Variants in POLQ observed in about 807,000 individuals in gnomAD.
POLQ encodes DNA polymerase theta.
Under a neutral mutation model 259.2 loss-of-function variants are expected in POLQ, and 233 were observed. The observed-to-expected ratio is 0.90, with a 90% CI of 0.81 to 1.00. The LOEUF is 1.00. Among genes scored for constraint, POLQ ranks in the 50% least tolerant of loss-of-function variants. The pLI, the probability that POLQ is intolerant of heterozygous loss-of-function variation, is 0.00. For missense variants in POLQ, 2,871 were observed against 3,051.6 expected, an observed-to-expected ratio of 0.94 and a Z score of 1.39; for synonymous variants, 1,025 against 1,048.8, an observed-to-expected ratio of 0.98 and a Z score of 0.44.
intron 26 of POLQ, among the ~76,000 whole-genome samples, chr3:121,447,453 G>A (rs140900134): frequency 8.3e-4 from 126 of 152,094 alleles, no homozygotes; most frequent in African/African-American, 2.8e-3. Flanking sequence ...GTGACCCACC[G>A]CGCCTGGCCC....
chr3:121,520,061 A>G lies in POLQ; in HGVS notation c.1278T>C (p.Asp426=). ...HHAGLTFEER[D]IIEGAFRQGL... ...CTTGACGAAAGGCTCCTTCAATGAT[A>G]TCCCTCTCCTCAAAAGTAAGACCTA... Residue 426 remains aspartate (D), a synonymous_variant, in exon 9 of 30, where the codon GAT becomes GAC. Coordinates refer to ENST00000264233, the MANE Select transcript of POLQ (RefSeq NM_199420.4). 1 of 1,611,516 alleles carries G rather than the reference A, an allele frequency of 6.2e-7. No homozygotes were observed. Among genetic ancestry groups the G allele is most frequent in the Non-Finnish European group, 8.5e-7 (1 of 1,177,770 alleles).
At chr3:121,474,220 C>A (rs2047907524) in intron 20 of POLQ, among the ~76,000 whole-genome samples, 2 of 152,124 alleles carry the variant, frequency 1.3e-5, no homozygotes, top group Admixed American at 1.3e-4. Flanking sequence ...TCAGAAAACA[C>A]TAAAGTAGGA....
At chr3:121,459,562 T>C (rs1300899625) in intron 25 of POLQ, among the ~76,000 whole-genome samples, 1 of 152,028 alleles carries the variant, frequency 6.6e-6, no homozygotes, top group Non-Finnish European at 1.5e-5. Flanking sequence ...TTTGTATTTT[T>C]AGTAGAGACG....
intron 25 of POLQ, among the ~76,000 whole-genome samples, chr3:121,453,333 C>T (rs1576401857): frequency 3.3e-5 from 5 of 151,672 alleles, no homozygotes; most frequent in Admixed American, 1.3e-4. Context: ...AGCAGAGCGC[C>T]TCTCCTCCTC....
At chr3:121,445,517 C>T (rs554210588) in intron 26 of POLQ, among the ~76,000 whole-genome samples, 1 of 152,134 alleles carries the variant, frequency 6.6e-6, no homozygotes, top group East Asian at 1.9e-4. Context: ...GGATCTTCTC[C>T]TTTTTTCTTA....
At chr3:121,534,376 C>T (rs2048435716) in intron 5 of POLQ, among the ~76,000 whole-genome samples, 1 of 151,704 alleles carries the variant, frequency 6.6e-6, no homozygotes, top group South Asian at 2.1e-4. Flanking sequence ...GTCACCCAGG[C>T]TGGAGTGCAA....
At chr3:121,524,339 A>G (rs2048358068) in intron 7 of POLQ, among the ~76,000 whole-genome samples, 1 of 152,196 alleles carries the variant, frequency 6.6e-6, no homozygotes, top group Non-Finnish European at 1.5e-5. Context: ...TCCATCACTT[A>G]TCCTCATGAT....
rs900629385 is a variant in POLQ, at chr3:121,545,767, G to C, written c.111C>G (p.Ser37=). 4.4e-6 allele frequency: 7 copies of C among 1,605,458 alleles called. No individual in the cohort carries two copies. The highest frequency in any genetic ancestry group is 1.7e-4 in the Middle Eastern group (1 of 6,054). Residue 37 remains serine (S), a synonymous_variant, in exon 1 of 30, where the codon TCC becomes TCG. Coordinates refer to ENST00000264233, the MANE Select transcript of POLQ (RefSeq NM_199420.4). ...SSASPQFLSG[S]VLSPPPGLGR... Reference sequence around the variant, plus strand: ...CAAGGCCGGGCGGCGGGCTCAGCACGGACCCGGAGAGGAACTGGGGGCTGG... The same window carrying C: ...CAAGGCCGGGCGGCGGGCTCAGCACCGACCCGGAGAGGAACTGGGGGCTGG...
rs2108790134 is a variant in POLQ, at chr3:121,472,267, G to A, written c.6544-103C>T. The stretch of plus-strand genomic sequence containing the variant: ...TACAGTCTCAAAATTAAATTTGAGA[G>A]TAATATCGACAACTCAAAACTATTA... On this transcript the variant is annotated intron_variant, in intron 21 of 29. Coordinates refer to ENST00000264233, the MANE Select transcript of POLQ (RefSeq NM_199420.4). The A allele has an allele frequency of 7.6e-6, 4 of 529,014 alleles. No homozygotes were observed. The South Asian group carries it at 1.8e-4, about 23-fold the overall frequency. The allele number at this position is 529,014 out of a possible 1,614,324, so 32.8% of individuals were successfully genotyped here.
intron 19 of POLQ, among the ~76,000 whole-genome samples, chr3:121,477,988 G>T (rs1560094221): frequency 6.6e-6 from 1 of 152,152 alleles, no homozygotes; most frequent in Non-Finnish European, 1.5e-5. Context: ...GAGAAATAAT[G>T]AACTTGGGTC....
At chr3:121,477,848 T>TA (rs1016408007) in intron 19 of POLQ, among the ~76,000 whole-genome samples, 3 of 152,122 alleles carry the variant, frequency 2.0e-5, no homozygotes, top group Non-Finnish European at 4.4e-5. Flanking sequence ...GGGACACCCG[T>TA]AACCACCACG....
intron 28 of POLQ, among the ~76,000 whole-genome samples, chr3:121,433,421 T>G (rs1342405379): frequency 6.6e-6 from 1 of 152,200 alleles, no homozygotes; most frequent in African/African-American, 2.4e-5. Flanking sequence ...ACTAATATTG[T>G]TAGGCACTGT....
intron 25 of POLQ, among the ~76,000 whole-genome samples, chr3:121,451,003 CTCTAAACT>C (rs1288757139): frequency 3.9e-5 from 6 of 152,056 alleles, no homozygotes; most frequent in African/African-American, 1.5e-4. Flanking sequence ...TATTCTTTTT[CTCTAAACT>C]TCTCTTCTTG....
rs1214516912 is a variant in POLQ at position 121,431,596 on chromosome 3, T to C, written c.*708A>G. On this transcript the variant is annotated 3_prime_UTR_variant, in exon 30 of 30. Transcript: ENST00000264233. ...GTATTTTCTGTCTCTGGCAGTATTA[T>C]ATTGACCTGCAATAAAAACATCTGA... 6.6e-6 allele frequency: 1 copy of C among 152,624 alleles called. No homozygotes were observed. The highest frequency in any genetic ancestry group is 1.5e-5 in the Non-Finnish European group (1 of 68,040). 9.5% of individuals were successfully genotyped at this position (152,624 alleles called of 1,614,324 possible).
At chr3:121,442,702 G>A (rs1223373903) in intron 26 of POLQ, among the ~76,000 whole-genome samples, 2 of 152,128 alleles carry the variant, frequency 1.3e-5, no homozygotes, top group South Asian at 4.1e-4. Flanking sequence ...GATGGACACT[G>A]AGGATGCTTC....
intron 25 of POLQ, among the ~76,000 whole-genome samples, chr3:121,457,946 T>C (rs2047756335): frequency 6.6e-6 from 1 of 152,184 alleles, no homozygotes; most frequent in Admixed American, 6.5e-5. Context: ...GTATGTTTAT[T>C]GCGGCACTAT....
intron 26 of POLQ, among the ~76,000 whole-genome samples, chr3:121,447,950 T>C (rs2047644820): frequency 6.6e-6 from 1 of 152,244 alleles, no homozygotes; most frequent in Non-Finnish European, 1.5e-5. Context: ...TTTAGGATCC[T>C]TTCTTTATCC....
chr3:121,528,617 ACAGGC>A (rs1481124049), intron 7 of POLQ, among the ~76,000 whole-genome samples: 1 of 151,204 alleles, frequency 6.6e-6, no homozygotes, highest in African/African-American at 2.4e-5. Flanking sequence ...TGCTGGGATT[ACAGGC>A]ATGAGCCACC....
At chr3:121,479,245 C>T (rs1290370378) in intron 19 of POLQ, among the ~76,000 whole-genome samples, 2 of 151,656 alleles carry the variant, frequency 1.3e-5, no homozygotes, top group Admixed American at 6.6e-5. Flanking sequence ...GGAATAGTGG[C>T]TCACACCTGT....
Sources: allele counts gnomAD v4.1 joint callset (sites outside exome capture counted in the v4.1 genomes callset), GRCh38; gene constraint gnomAD v4.1.1; transcripts MANE v1.5; gene names NCBI Gene and HGNC (gene_info 2026-07-23, HGNC 2026-07-21).